KIRREL3: variants seen among roughly 807,000 people sequenced by gnomAD.
The protein encoded by KIRREL3 is kirre like nephrin family adhesion molecule 3, also known as kin of IRRE-like protein 3.
KIRREL3 carries 36 observed loss-of-function variants against 89.7 expected under a neutral mutation model. The ratio of observed to expected loss-of-function variants is 0.40; its 90% CI spans 0.31 to 0.53. The LOEUF is 0.53. Among genes scored for constraint, KIRREL3 ranks in the 20% least tolerant of loss-of-function variants. The pLI, the probability that KIRREL3 is intolerant of heterozygous loss-of-function variation, is 0.49. For missense variants in KIRREL3, 864 were observed against 1,056.6 expected (o/e 0.82, Z 2.53); for synonymous variants, 445 against 441.4 (o/e 1.01, Z -0.10).
chr11:126,768,199 A>G lies in KIRREL3; in HGVS notation c.56-205287T>C, dbSNP rs1949904214. The stretch of plus-strand genomic sequence containing the variant: ...CATCCATCCATCCATCCATCCATCC[A>G]TCCATCCATCCATCCATCCATCCAT... On this transcript the variant is annotated intron_variant, in intron 1 of 16. Transcript: ENST00000525144. This position sits in a 1 kb window ranked among gnomAD's most constrained non-coding sequence, Gnocchi z 4.5. 6.7e-6 allele frequency among the ~76,000 whole-genome samples: 1 copy of G among 149,460 alleles called. No homozygotes were observed. Among genetic ancestry groups the G allele is most frequent in the Non-Finnish European group, 1.5e-5 (1 of 67,544 alleles).
At chr11:126,865,618 TTGAAC>T (rs1944893065) in intron 1 of KIRREL3, among the ~76,000 whole-genome samples, 1 of 152,174 alleles carries the variant, frequency 6.6e-6, no homozygotes, top group Non-Finnish European at 1.5e-5. Flanking sequence ...AAGGAAGAGT[TTGAAC>T]TGAACATGGT....
rs1398813170 is a variant in KIRREL3 at position 126,627,611 on chromosome 11, T to A, written c.56-64699A>T. Among the ~76,000 whole-genome samples the A allele has an allele frequency of 1.3e-5, 2 of 152,234 alleles. No individual in the cohort carries two copies. Among genetic ancestry groups the A allele is most frequent in the African/African-American group, 4.8e-5 (2 of 41,462 alleles). ...TACATCATCTCCTAATTAACATGTC[T>A]TGTCAGGTCCAGCGGTTGGCTTTAG... On this transcript the variant is annotated intron_variant, in intron 1 of 16. Coordinates refer to ENST00000525144, the MANE Select transcript of KIRREL3 (RefSeq NM_032531.4). The surrounding 1 kb of genome is among the most constrained non-coding windows in gnomAD (Gnocchi z 5.0).
chr11:126,603,234 A>C (rs964796541), intron 1 of KIRREL3, among the ~76,000 whole-genome samples: 2 of 152,226 alleles, frequency 1.3e-5, no homozygotes, highest in Non-Finnish European at 2.9e-5. Flanking sequence ...TAAAACAATA[A>C]ATTCCCATTG....
chr11:126,518,432 G>GTTTGCT (rs1958484828), intron 4 of KIRREL3, among the ~76,000 whole-genome samples: 3 of 152,224 alleles, frequency 2.0e-5, no homozygotes, highest in Non-Finnish European at 4.4e-5. Flanking sequence ...TAGCCAAAGT[G>GTTTGCT]TTTGCTTTGC....
At chr11:126,629,671 G>A (rs1591839929) in intron 1 of KIRREL3, among the ~76,000 whole-genome samples, 1 of 152,340 alleles carries the variant, frequency 6.6e-6, no homozygotes, top group South Asian at 2.1e-4. Context: ...GCCCAATGAG[G>A]AGGCCTTGGC....
chr11:126,675,028 C>G (rs1183600180), intron 1 of KIRREL3, among the ~76,000 whole-genome samples: 2 of 152,210 alleles, frequency 1.3e-5, no homozygotes, highest in Non-Finnish European at 2.9e-5. Flanking sequence ...GGGCCACATC[C>G]CAGTTCAGTG....
intron 1 of KIRREL3, among the ~76,000 whole-genome samples, chr11:126,718,256 G>A (rs1017937110): frequency 6.6e-6 from 1 of 152,170 alleles, no homozygotes; most frequent in African/African-American, 2.4e-5. Flanking sequence ...CCTCTTCTGT[G>A]CTATGGCTCT....
At chr11:126,841,766 T>G (rs1821278718) in intron 1 of KIRREL3, among the ~76,000 whole-genome samples, 1 of 152,246 alleles carries the variant, frequency 6.6e-6, no homozygotes, top group Non-Finnish European at 1.5e-5. Context: ...TGTCTAGGCA[T>G]CCGCTTTCAT....
chr11:126,716,566 G>C (rs1236746953), intron 1 of KIRREL3, among the ~76,000 whole-genome samples: 6 of 152,112 alleles, frequency 3.9e-5, no homozygotes, highest in Non-Finnish European at 7.4e-5. Flanking sequence ...TCCCATCTAA[G>C]TGATACTGAT....
At chr11:126,832,716 G>A (rs1943650575) in intron 1 of KIRREL3, among the ~76,000 whole-genome samples, 1 of 152,180 alleles carries the variant, frequency 6.6e-6, no homozygotes, top group Admixed American at 6.5e-5. Context: ...GTTTTCATGA[G>A]CGGACATAGA....
At position 126,638,982 on chromosome 11, in the gene KIRREL3, T is replaced by C. The variant is rs185245980; in HGVS notation, c.56-76070A>G. Among the ~76,000 whole-genome samples, 92 of 152,138 alleles carry C rather than the reference T, an allele frequency of 6.0e-4. 1 individual carries two copies. The Middle Eastern group carries it at 0.01, about 17-fold the overall frequency. The stretch of plus-strand genomic sequence containing the variant: ...TCCCCGGGGGCTGGACAGTACACTT[T>C]AATGATTTTTTTTTAATTGAATGAA... On this transcript the variant is annotated intron_variant, in intron 1 of 16. Transcript: ENST00000525144.
intron 1 of KIRREL3, among the ~76,000 whole-genome samples, chr11:126,592,862 A>G (rs1464634958): frequency 6.6e-6 from 1 of 152,196 alleles, no homozygotes; most frequent in Non-Finnish European, 1.5e-5. Context: ...CTCAGGCAGA[A>G]AAGGCCTGTT....
chr11:126,857,648 G>T (rs1373872647), intron 1 of KIRREL3, among the ~76,000 whole-genome samples: 4 of 152,092 alleles, frequency 2.6e-5, no homozygotes, highest in Non-Finnish European at 4.4e-5. Context: ...ATGTCTTAAA[G>T]CAGAAGCAGC....
chr11:126,979,449 C>G (rs1949664840), intron 1 of KIRREL3, among the ~76,000 whole-genome samples: 2 of 152,140 alleles, frequency 1.3e-5, no homozygotes, highest in Non-Finnish European at 2.9e-5. Flanking sequence ...TAACTGCATC[C>G]AGGATTGATT....
At chr11:126,582,560 G>A (rs1247446783) in intron 1 of KIRREL3, among the ~76,000 whole-genome samples, 2 of 152,158 alleles carry the variant, frequency 1.3e-5, no homozygotes, top group South Asian at 2.1e-4. Context: ...TGAATTCCAC[G>A]GCAGGGACAG....
chr11:126,755,820 A>G lies in KIRREL3; in HGVS notation c.56-192908T>C, dbSNP rs1949474905. On this transcript the variant is annotated intron_variant, in intron 1 of 16. Transcript: ENST00000525144. This position sits in a 1 kb window ranked among gnomAD's most constrained non-coding sequence, Gnocchi z 4.3. ...AATGCGTGCTCGCCATCTGCCATTC[A>G]GGCAGAGAGAGAGAGAGAGAGAGAG... Among the ~76,000 whole-genome samples, 1 of 78,400 alleles carries G rather than the reference A, an allele frequency of 1.3e-5. No individual in the cohort carries two copies. Among genetic ancestry groups the G allele is most frequent in the Non-Finnish European group, 2.4e-5 (1 of 41,596 alleles). The allele number at this position is 78,400 out of a possible 152,430, so 51.4% of individuals were successfully genotyped here.
chr11:126,493,769 C>T (rs908200109), intron 4 of KIRREL3, among the ~76,000 whole-genome samples: 7 of 152,092 alleles, frequency 4.6e-5, no homozygotes, highest in African/African-American at 1.7e-4. Context: ...ACTCTGCCCC[C>T]AGCTGGCCCC....
In KIRREL3 at chr11:126,978,925, G is replaced by T. The variant is rs1949652519; in HGVS notation, c.55+21530C>A. ...GTACACCTGCCTTTCTGAAAGTTTG[G>T]CAGGTTTCCCAGTGTGTACTGAGAA... On this transcript the variant is annotated intron_variant, in intron 1 of 16. Transcript: ENST00000525144. This position sits in a 1 kb window ranked among gnomAD's most constrained non-coding sequence, Gnocchi z 4.2. 6.6e-6 allele frequency among the ~76,000 whole-genome samples: 1 copy of T among 152,164 alleles called. No homozygotes were observed. Among genetic ancestry groups the T allele is most frequent in the South Asian group, 2.1e-4 (1 of 4,828 alleles).
chr11:126,572,224 G>C (rs1394810881), intron 1 of KIRREL3, among the ~76,000 whole-genome samples: 1 of 152,326 alleles, frequency 6.6e-6, no homozygotes, highest in Admixed American at 6.5e-5. Flanking sequence ...CAAAGTCCCA[G>C]CCTGCCTCCA....
Sources: gnomAD v4.1 joint callset for allele counts (sites outside exome capture counted in the v4.1 genomes callset) on GRCh38, gnomAD v4.1.1 for gene constraint, Gnocchi (gnomAD v3.1) non-coding constraint, MANE v1.5 for transcripts, NCBI Gene and HGNC (gene_info 2026-07-23, HGNC 2026-07-21) for gene names.